The following LMLN variants were observed in gnomAD, a reference collection of about 807,000 sequenced individuals.
The protein encoded by LMLN is leishmanolysin like peptidase, also known as leishmanolysin-like peptidase.
LMLN carries 70 observed loss-of-function variants against 92.3 expected under a neutral mutation model. That is an observed-to-expected ratio of 0.76 (90% CI 0.63 to 0.92). LMLN has a LOEUF of 0.92. Ranked by LOEUF, LMLN falls within the 40% of genes least tolerant of loss-of-function variation. The probability of loss-of-function intolerance (pLI) is 0.00; values close to 1 mark genes in which losing one functional copy is unlikely to be tolerated. For synonymous variants in LMLN, 308 were observed against 296.2 expected (o/e 1.04, Z -0.41); for missense variants, 691 against 814.6 (o/e 0.85, Z 1.85).
intron 9 of LMLN, chr3:197,994,823 A>G (rs1431258814): frequency 1.3e-5 from 2 of 152,222 alleles, no homozygotes; most frequent in Non-Finnish European, 2.9e-5. Flanking sequence ...TAAAAATAGA[A>G]TTACCATATG....
intron 11 of LMLN, among the ~76,000 whole-genome samples, chr3:198,009,420 A>G (rs1260298883): frequency 6.6e-6 from 1 of 152,224 alleles, no homozygotes; most frequent in East Asian, 1.9e-4. Context: ...CTTTGAAAAG[A>G]AAAAAGTTCT....
intron 15 of LMLN, 76 bp downstream of exon 16, chr3:198,036,119 C>T: frequency 1.5e-6 from 2 of 1,317,282 alleles, no homozygotes; most frequent in Non-Finnish European, 1.1e-6. Flanking sequence ...GTTGGCATTT[C>T]CCTTCAAGGA....
At chr3:197,978,719 G>GT in intron 5 of LMLN, among the ~76,000 whole-genome samples, 1 of 152,206 alleles carries the variant, frequency 6.6e-6, no homozygotes, top group East Asian at 1.9e-4. Context: ...GGTCAGGCAC[G>GT]GTGGCTTATG....
exon 16 of LMLN, chr3:198,040,936 ACTC>A (rs550794502): frequency 4.3e-5 from 6 of 139,692 alleles, no homozygotes; most frequent in African/African-American, 1.3e-4. Flanking sequence ...CCTCGGACAG[ACTC>A]CTCCTATTCC....
chr3:198,020,768 A>ATTTT lies in LMLN; in HGVS notation c.1366-649_1366-646dup, dbSNP rs71166715. Among the ~76,000 whole-genome samples the ATTTT allele has an allele frequency of 3.3e-3, 110 of 32,860 alleles. 8 individuals are homozygous for ATTTT. Among genetic ancestry groups the ATTTT allele is most frequent in the South Asian group, 4.7e-3 (3 of 634 alleles). 21.6% of individuals were successfully genotyped at this position (32,860 alleles called of 152,430 possible). A position where few individuals can be genotyped will look rare whatever the true frequency, so the allele number is the denominator to read the frequency against. On this transcript the variant is annotated intron_variant, in intron 12 of 15. Coordinates refer to ENST00000330198, the Ensembl canonical transcript of LMLN. Reference sequence around the variant, plus strand: ...GCCACCACACCCAGCTAATTTTTGTATTTTTTTTTTTTTTTTTTTTTTTTT... The same window carrying ATTTT: ...GCCACCACACCCAGCTAATTTTTGTATTTTTTTTTTTTTTTTTTTTTTTTTTTTT...
intron 11 of LMLN, among the ~76,000 whole-genome samples, chr3:198,007,340 G>C (rs898258859): frequency 6.6e-6 from 1 of 152,132 alleles, no homozygotes; most frequent in African/African-American, 2.4e-5. Context: ...TGATTCATTT[G>C]AGTTAAGTTT....
At chr3:198,002,340 A>G (rs955373889) in intron 11 of LMLN, among the ~76,000 whole-genome samples, 46 of 152,224 alleles carry the variant, frequency 3.0e-4, no homozygotes, top group African/African-American at 1.1e-3. Flanking sequence ...CATGTTGGCC[A>G]GGCTGGTCTC....
chr3:197,969,959 CGTG>C, intron 1 of LMLN, among the ~76,000 whole-genome samples: 1 of 152,232 alleles, frequency 6.6e-6, no homozygotes, highest in African/African-American at 2.4e-5. Context: ...GCCTGGCCAA[CGTG>C]GTGAAACCCT....
chr3:197,974,564 T>C (rs1459169471), intron 2 of LMLN, 90 bp downstream of exon 2: 15 of 662,626 alleles, frequency 2.3e-5, no homozygotes, highest in East Asian at 1.3e-4. Flanking sequence ...TAAGAATCCA[T>C]AGATAAAACT....
rs543010696 is a variant in LMLN at position 198,026,975 on chromosome 3, C to T, written c.1656+2187C>T. On this transcript the variant is annotated intron_variant, in intron 14 of 15. Coordinates refer to ENST00000330198, the Ensembl canonical transcript of LMLN. ...ATGTATGTATATGTATCAGTACACTCTCCTGTGAGTGCGTGTGTGTGTGTG... is the reference window on the plus strand; with the variant it reads ...ATGTATGTATATGTATCAGTACACTTTCCTGTGAGTGCGTGTGTGTGTGTG... Among the ~76,000 whole-genome samples, 8 of 152,260 alleles carry T rather than the reference C, an allele frequency of 5.3e-5. No individual in the cohort carries two copies. The South Asian group carries it at 1.2e-3, about 24-fold the overall frequency.
exon 16 of LMLN, chr3:198,043,648 A>G (rs1723473814): frequency 6.6e-6 from 1 of 152,612 alleles, no homozygotes; most frequent in South Asian, 2.1e-4. Context: ...TTAAGAACTA[A>G]TATTTATGGT....
intron 11 of LMLN, among the ~76,000 whole-genome samples, chr3:198,013,942 C>T (rs1332922120): frequency 2.5e-5 from 3 of 118,146 alleles, no homozygotes; most frequent in African/African-American, 1.1e-4. Flanking sequence ...TGACTTCTCT[C>T]CACCCCTCAG....
intron 1 of LMLN, among the ~76,000 whole-genome samples, chr3:197,972,990 C>T (rs1044183022): frequency 6.6e-6 from 1 of 152,152 alleles, no homozygotes; most frequent in Non-Finnish European, 1.5e-5. Flanking sequence ...GCCAGTGAGG[C>T]TCTGACTTCC....
exon 16 of LMLN, chr3:198,038,732 TTGAG>T (rs1487577565): frequency 1.6e-6 from 2 of 1,256,096 alleles, no homozygotes; most frequent in Non-Finnish European, 1.2e-6. Flanking sequence ...AGCACAAAGT[TTGAG>T]TGAGTGCCAA....
At position 197,975,038 on chromosome 3, in the gene LMLN, T is replaced by C; in HGVS notation, c.318-4T>C. On this transcript the variant is annotated splice_polypyrimidine_tract_variant and splice_region_variant and intron_variant, in intron 2 of 15. Coordinates refer to ENST00000330198, the Ensembl canonical transcript of LMLN. Reference sequence around the variant, plus strand: ...TCCTTATGTTTTTATGTCATTATTTTCAGGTTGCTCCCTGAGAAAAAGAAT... The same window carrying C: ...TCCTTATGTTTTTATGTCATTATTTCCAGGTTGCTCCCTGAGAAAAAGAAT... The C allele has an allele frequency of 1.4e-6, 2 of 1,474,624 alleles. No individual in the cohort carries two copies. The highest frequency in any genetic ancestry group is 1.9e-6 in the Non-Finnish European group (2 of 1,058,768). The allele number at this position is 1,474,624 out of a possible 1,614,324, so 91.3% of individuals were successfully genotyped here. A position where few individuals can be genotyped will look rare whatever the true frequency, so the allele number is the denominator to read the frequency against.
At chr3:198,016,258 C>T (rs1002166255) in intron 11 of LMLN, among the ~76,000 whole-genome samples, 1 of 150,704 alleles carries the variant, frequency 6.6e-6, no homozygotes, top group African/African-American at 2.4e-5. Flanking sequence ...TAGGTTAGGT[C>T]ATAAAGCAAT....
exon 16 of LMLN, chr3:198,043,277 A>G (rs1175864257): frequency 6.6e-6 from 1 of 152,414 alleles, no homozygotes; most frequent in Admixed American, 6.5e-5. Flanking sequence ...CCAGGAGCAT[A>G]CGCCATCCTG....
exon 6 of LMLN, chr3:197,980,453 A>G (rs763236319): frequency 1.2e-6 from 2 of 1,614,074 alleles, no homozygotes; most frequent in East Asian, 4.5e-5. Flanking sequence ...TGCAGCCATG[A>G]AAACATCATC....
At chr3:198,034,527 C>G (rs1463437542) in intron 14 of LMLN, among the ~76,000 whole-genome samples, 1 of 152,090 alleles carries the variant, frequency 6.6e-6, no homozygotes, top group Non-Finnish European at 1.5e-5. Flanking sequence ...ACGAGAATTG[C>G]TTGAACCCAT....
Sources: allele counts gnomAD v4.1 joint callset (sites outside exome capture counted in the v4.1 genomes callset), GRCh38; gene constraint gnomAD v4.1.1; transcripts MANE v1.5; gene names NCBI Gene and HGNC (gene_info 2026-07-23, HGNC 2026-07-21).